The following KIAA1217 variants were observed in gnomAD, a reference collection of about 807,000 sequenced individuals.
The protein encoded by KIAA1217 is KIAA1217.
KIAA1217 carries 88 observed loss-of-function variants against 163.9 expected under a neutral mutation model. That is an observed-to-expected ratio of 0.54 (90% confidence interval 0.45 to 0.64). The LOEUF is 0.64. Ranked by LOEUF, KIAA1217 falls within the 30% of genes least tolerant of loss-of-function variation. The probability of loss-of-function intolerance (pLI) is 0.00; values close to 1 mark genes in which losing one functional copy is unlikely to be tolerated. For missense variants in KIAA1217, 2,372 were observed against 2,475.0 expected, an observed-to-expected ratio of 0.96 and a Z score of 0.88; for synonymous variants, 903 against 923.1, an observed-to-expected ratio of 0.98 and a Z score of 0.39.
intron 2 of KIAA1217, among the ~76,000 whole-genome samples, chr10:24,238,449 C>T (rs966207319): frequency 1.3e-5 from 2 of 152,122 alleles, no homozygotes; most frequent in Non-Finnish European, 2.9e-5. Context: ...TTAGAGCCTA[C>T]GGACCATTTC....
chr10:23,841,290 A>C (rs1490443211), intron 1 of KIAA1217, among the ~76,000 whole-genome samples: 1 of 152,192 alleles, frequency 6.6e-6, no homozygotes, highest in Non-Finnish European at 1.5e-5. Flanking sequence ...TCCAGAAAGA[A>C]AAAAACAACA....
Position 23,773,278 on chromosome 10 carries a change from T to C in KIAA1217, c.-321+78044T>C, listed in dbSNP as rs576867645. On this transcript the variant is annotated intron_variant, in intron 1 of 18. Transcript: ENST00000376462. ...GTCAAAGATCAGATAGTTGTAGATA[T>C]GCGGCGTTATTTCTGAGGGCTCTGT... 1.4e-4 allele frequency among the ~76,000 whole-genome samples: 22 copies of C among 152,044 alleles called. No individual in the cohort carries two copies. The East Asian group carries it at 3.5e-3, about 24-fold the overall frequency.
chr10:24,082,557 C>A (rs1235700209), intron 2 of KIAA1217, among the ~76,000 whole-genome samples: 2 of 152,152 alleles, frequency 1.3e-5, no homozygotes, highest in Non-Finnish European at 2.9e-5. Context: ...CATCTGTGTC[C>A]ATGCAGAGGA....
chr10:23,994,358 T>G (rs998348208), intron 1 of KIAA1217, among the ~76,000 whole-genome samples: 3 of 152,150 alleles, frequency 2.0e-5, no homozygotes, highest in Non-Finnish European at 2.9e-5. Context: ...AGTGGAAATC[T>G]CCTTTGTGCT....
At chr10:23,938,718 T>C (rs1843635742) in intron 1 of KIAA1217, among the ~76,000 whole-genome samples, 1 of 151,764 alleles carries the variant, frequency 6.6e-6, no homozygotes, top group Admixed American at 6.6e-5. Flanking sequence ...TACACTATTT[T>C]ATATAAGGGG....
intron 2 of KIAA1217, among the ~76,000 whole-genome samples, chr10:24,038,814 C>T (rs1272361252): frequency 6.8e-6 from 1 of 146,008 alleles, no homozygotes; most frequent in Non-Finnish European, 1.5e-5. Context: ...TGCAGTAGCA[C>T]GATCTCAGCT....
At chr10:23,763,372 G>C (rs1401157165) in intron 1 of KIAA1217, among the ~76,000 whole-genome samples, 1 of 152,126 alleles carries the variant, frequency 6.6e-6, no homozygotes, top group Non-Finnish European at 1.5e-5. Flanking sequence ...ATACTACAAG[G>C]CTACAGTAAC....
intron 1 of KIAA1217, among the ~76,000 whole-genome samples, chr10:23,815,471 C>T (rs929179421): frequency 2.6e-5 from 4 of 152,056 alleles, no homozygotes; most frequent in East Asian, 3.9e-4. Context: ...GGTGAAACCC[C>T]GTCTCTACTA....
At chr10:23,813,368 C>A (rs748610321) in intron 1 of KIAA1217, among the ~76,000 whole-genome samples, 1 of 151,644 alleles carries the variant, frequency 6.6e-6, no homozygotes, top group African/African-American at 2.4e-5. Context: ...CCTTTTTTTG[C>A]TATTTTTTTG....
intron 5 of KIAA1217, among the ~76,000 whole-genome samples, chr10:24,465,868 G>C (rs896542651): frequency 1.3e-5 from 2 of 152,224 alleles, no homozygotes; most frequent in Non-Finnish European, 2.9e-5. Context: ...GGGGCAGAAG[G>C]GCTCTGGTTT....
chr10:24,208,490 C>G (rs540238883), upstream of KIAA1217, among the ~76,000 whole-genome samples: 1 of 151,840 alleles, frequency 6.6e-6, no homozygotes, highest in Non-Finnish European at 1.5e-5. Flanking sequence ...TGATTGAAAT[C>G]GACTGTGTGC....
At chr10:24,393,234 C>A (rs1281714360) in intron 3 of KIAA1217, among the ~76,000 whole-genome samples, 1 of 152,090 alleles carries the variant, frequency 6.6e-6, no homozygotes, top group Non-Finnish European at 1.5e-5. Context: ...CTGGCTCAGT[C>A]GAGGAACATG....
intron 2 of KIAA1217, among the ~76,000 whole-genome samples, chr10:24,019,240 A>G (rs1318348926): frequency 6.6e-6 from 1 of 152,086 alleles, no homozygotes; most frequent in Non-Finnish European, 1.5e-5. Flanking sequence ...GCTGATGGAT[A>G]TGTTAATTTG....
intron 2 of KIAA1217, among the ~76,000 whole-genome samples, chr10:24,185,623 C>G (rs760404472): frequency 3.3e-5 from 5 of 151,998 alleles, no homozygotes; most frequent in Non-Finnish European, 5.9e-5. Context: ...GGTGAAGACC[C>G]ATCTCTACTA....
At chr10:24,063,647 T>C (rs2060821182) in intron 2 of KIAA1217, among the ~76,000 whole-genome samples, 1 of 152,188 alleles carries the variant, frequency 6.6e-6, no homozygotes, top group Non-Finnish European at 1.5e-5. Context: ...CCATATGAAC[T>C]TTAAAGTAGT....
intron 1 of KIAA1217, among the ~76,000 whole-genome samples, chr10:23,879,286 G>T (rs1485772629): frequency 2.6e-5 from 4 of 151,856 alleles, no homozygotes; most frequent in Non-Finnish European, 2.9e-5. Context: ...TGTGACTTAG[G>T]TTAAGTACCT....
At chr10:23,977,674 G>A (rs986567744) in intron 1 of KIAA1217, among the ~76,000 whole-genome samples, 2 of 152,104 alleles carry the variant, frequency 1.3e-5, no homozygotes, top group Non-Finnish European at 2.9e-5. Context: ...AAAAATTAAT[G>A]AGCACCTGTA....
At chr10:24,106,499 G>C (rs552745017) in intron 2 of KIAA1217, among the ~76,000 whole-genome samples, 9 of 151,520 alleles carry the variant, frequency 5.9e-5, no homozygotes, top group African/African-American at 1.9e-4. Context: ...GCCTGTAGGG[G>C]ACTTGGTCCC....
chr10:24,318,212 AGATG>A (rs1436559221), intron 2 of KIAA1217, among the ~76,000 whole-genome samples: 1 of 143,696 alleles, frequency 7.0e-6, no homozygotes, highest in Non-Finnish European at 1.5e-5. Flanking sequence ...GATGATAGAT[AGATG>A]GATAGATAGA....
Sources: allele counts gnomAD v4.1 joint callset (sites outside exome capture counted in the v4.1 genomes callset), GRCh38; gene constraint gnomAD v4.1.1; transcripts MANE v1.5; gene names NCBI Gene and HGNC (gene_info 2026-07-23, HGNC 2026-07-21).